GALNT13: variants seen among roughly 807,000 people sequenced by gnomAD.
GALNT13 encodes the protein UDP-GalNAc:polypeptide N-acetylgalactosaminyltransferase 13.
In GALNT13, 28 loss-of-function variants were observed where a neutral mutation model predicts 64.2. The ratio of observed to expected loss-of-function variants is 0.44; its 90% CI spans 0.32 to 0.60. The LOEUF (loss-of-function observed/expected upper bound fraction) is 0.60, where lower values mean the gene tolerates loss of function less well. GALNT13 is among the 20% of genes least tolerant of loss of function. The pLI is 0.05. For missense variants in GALNT13, 577 were observed against 669.8 expected (o/e 0.86, Z 1.53); for synonymous variants, 214 against 224.6 (o/e 0.95, Z 0.42).
intron 9 of GALNT13, among the ~76,000 whole-genome samples, chr2:154,302,368 G>A (rs936852350): frequency 6.6e-6 from 1 of 152,116 alleles, no homozygotes; most frequent in Non-Finnish European, 1.5e-5. Context: ...TAGGCCTTAT[G>A]GTCATTAGTG....
intron 3 of GALNT13, among the ~76,000 whole-genome samples, chr2:154,074,408 A>G (rs374615954): frequency 2.0e-5 from 3 of 151,952 alleles, no homozygotes; most frequent in Non-Finnish European, 4.4e-5. Flanking sequence ...ATTGAGGACA[A>G]TTAGGTTTTT....
the GALNT13 span, among the ~76,000 whole-genome samples, chr2:153,464,948 G>C: frequency 2.0e-5 from 3 of 152,076 alleles, no homozygotes; most frequent in African/African-American, 7.2e-5. Flanking sequence ...CATATCTAAA[G>C]TTCTTATGCC....
In GALNT13 at chr2:153,961,986, G is replaced by A. The variant is rs945797793; in HGVS notation, c.142+17347G>A. ...GAATAACGAATGCATGATAAGTTTG[G>A]TACCGTTTTCATGATCATAGAGTAG... On this transcript the variant is annotated intron_variant, in intron 3 of 12. Transcript: ENST00000392825. 3.3e-5 allele frequency among the ~76,000 whole-genome samples: 5 copies of A among 152,108 alleles called. No individual in the cohort carries two copies. The East Asian group carries it at 9.6e-4, about 29-fold the overall frequency.
the GALNT13 span, among the ~76,000 whole-genome samples, chr2:153,291,456 T>C: frequency 6.6e-6 from 1 of 152,112 alleles, no homozygotes; most frequent in South Asian, 2.1e-4. Flanking sequence ...AAAACAATAG[T>C]AATATTTTCA....
At chr2:153,517,706 A>G in the GALNT13 span, among the ~76,000 whole-genome samples, 3 of 152,314 alleles carry the variant, frequency 2.0e-5, 1 homozygote, top group Middle Eastern at 0.01. Context: ...GTAGAAGGAA[A>G]AGGGAAATAG....
At position 154,281,188 on chromosome 2, in the gene GALNT13, T is replaced by C. The variant is rs111246940; in HGVS notation, c.976-20221T>C. On this transcript the variant is annotated intron_variant, in intron 8 of 12. Coordinates refer to ENST00000392825, the MANE Select transcript of GALNT13 (RefSeq NM_052917.4). ...GTGCTCATAAAAAAGCAATGCTTGT[T>C]TATAATGTGAAAACCTAACCATTAA... Among the ~76,000 whole-genome samples, 1,026 of 152,342 alleles carry C rather than the reference T, an allele frequency of 6.7e-3. 12 individuals are homozygous for C. Among genetic ancestry groups the C allele is most frequent in the African/African-American group, 0.024 (982 of 41,590 alleles).
the GALNT13 span, among the ~76,000 whole-genome samples, chr2:153,504,808 A>G: frequency 6.6e-6 from 1 of 152,118 alleles, no homozygotes; most frequent in African/African-American, 2.4e-5. Context: ...GGATTTTTGC[A>G]TCTATGTTCA....
chr2:154,079,687 G>A (rs1326152808), intron 3 of GALNT13, among the ~76,000 whole-genome samples: 1 of 151,532 alleles, frequency 6.6e-6, no homozygotes, highest in African/African-American at 2.4e-5. Flanking sequence ...TGAGCATGCA[G>A]AGTGTGATTA....
chr2:154,247,213 A>G (rs1352554470), intron 7 of GALNT13, among the ~76,000 whole-genome samples: 1 of 152,034 alleles, frequency 6.6e-6, no homozygotes, highest in Non-Finnish European at 1.5e-5. Flanking sequence ...TTATCCTGTC[A>G]GTATTTAAAA....
the GALNT13 span, among the ~76,000 whole-genome samples, chr2:153,352,598 T>G: frequency 6.6e-6 from 1 of 152,002 alleles, no homozygotes; most frequent in Non-Finnish European, 1.5e-5. Context: ...TCATTTTACA[T>G]TTAGTTCTGT....
chr2:153,767,389 G>T, the GALNT13 span, among the ~76,000 whole-genome samples: 1 of 151,956 alleles, frequency 6.6e-6, no homozygotes, highest in South Asian at 2.1e-4. Context: ...CTTCACTATT[G>T]TAAGTTGTAC....
the GALNT13 span, among the ~76,000 whole-genome samples, chr2:153,787,427 A>G: frequency 6.6e-6 from 1 of 152,224 alleles, no homozygotes; most frequent in African/African-American, 2.4e-5. Flanking sequence ...GAAGATTCAG[A>G]AAATAAGCCT....
At chr2:153,563,889 C>T in the GALNT13 span, among the ~76,000 whole-genome samples, 1 of 152,056 alleles carries the variant, frequency 6.6e-6, no homozygotes, top group Non-Finnish European at 1.5e-5. Flanking sequence ...AGTTTTTTGG[C>T]CCTCTCCTTC....
chr2:154,310,047 A>G (rs763929162), intron 9 of GALNT13, among the ~76,000 whole-genome samples: 3 of 152,114 alleles, frequency 2.0e-5, no homozygotes, highest in Middle Eastern at 3.2e-3. Context: ...TTTACCTTGA[A>G]GGTTTTCTGT....
intron 4 of GALNT13, among the ~76,000 whole-genome samples, chr2:154,223,444 T>A (rs1688421591): frequency 7.2e-6 from 1 of 139,150 alleles, no homozygotes; most frequent in Non-Finnish European, 1.5e-5. Flanking sequence ...TCTTTTTTCT[T>A]TTTCTTTTTT....
At chr2:153,658,278 A>G in the GALNT13 span, among the ~76,000 whole-genome samples, 1 of 152,056 alleles carries the variant, frequency 6.6e-6, no homozygotes, top group Admixed American at 6.6e-5. Context: ...AATTCTATTC[A>G]TTGTTCAAAG....
chr2:153,678,263 G>A, the GALNT13 span, among the ~76,000 whole-genome samples: 4 of 151,458 alleles, frequency 2.6e-5, no homozygotes, highest in African/African-American at 9.7e-5. Flanking sequence ...CAATAGCAAA[G>A]ACATGGAATC....
the GALNT13 span, among the ~76,000 whole-genome samples, chr2:153,688,991 G>GGTGTGTGTGTGTGTGTGTGT: frequency 6.1e-5 from 8 of 130,222 alleles, no homozygotes; most frequent in East Asian, 5.1e-4. Context: ...TAGAGGTAGG[G>GGTGTGTGTGTGTGTGTGTGT]GTGTGTGTGT....
At chr2:153,736,240 C>G in the GALNT13 span, among the ~76,000 whole-genome samples, 4 of 152,274 alleles carry the variant, frequency 2.6e-5, no homozygotes, top group Admixed American at 2.0e-4. Flanking sequence ...CTCATGGATT[C>G]TCACTCTACT....
Sources: gnomAD v4.1 joint callset for allele counts (sites outside exome capture counted in the v4.1 genomes callset) on GRCh38, gnomAD v4.1.1 for gene constraint, MANE v1.5 for transcripts, NCBI Gene and HGNC (gene_info 2026-07-23, HGNC 2026-07-21) for gene names.